TENM4: variants seen among roughly 807,000 people sequenced by gnomAD.
TENM4 encodes teneurin transmembrane protein 4.
A neutral mutation model predicts 243.3 loss-of-function variants in TENM4; 82 were observed. That is an observed-to-expected ratio of 0.34 (90% confidence interval 0.28 to 0.40). The LOEUF (loss-of-function observed/expected upper bound fraction) is 0.40, where lower values mean the gene tolerates loss of function less well. TENM4 is among the 10% of genes least tolerant of loss of function. The pLI is 1.00. For synonymous variants in TENM4, 1,412 were observed against 1,456.3 expected (o/e 0.97, Z 0.69); for missense variants, 3,138 against 3,673.3 (o/e 0.85, Z 3.77).
At chr11:79,251,608 AC>A (rs1855612752) in intron 2 of TENM4, among the ~76,000 whole-genome samples, 1 of 152,244 alleles carries the variant, frequency 6.6e-6, no homozygotes, top group Non-Finnish European at 1.5e-5. Context: ...AAATGAGATT[AC>A]AAAAAAATTA....
intron 32 of TENM4, 125 bp downstream of exon 32, chr11:78,668,812 G>T: frequency 1.6e-6 from 2 of 1,239,822 alleles, no homozygotes; most frequent in Non-Finnish European, 2.2e-6. Context: ...TTTGGAAAAT[G>T]CTGCTCTAAG....
intron 19 of TENM4, 118 bp from the exon 20 acceptor site, chr11:78,738,688 C>T: frequency 1.9e-6 from 2 of 1,049,848 alleles, no homozygotes; most frequent in East Asian, 2.6e-5. Flanking sequence ...CATCTTGTAC[C>T]CAGGGGTTCA....
At chr11:78,729,763 AGGAGGGG>A in intron 21 of TENM4, 120 bp from the exon 22 acceptor site, 3 of 1,321,120 alleles carry the variant, frequency 2.3e-6, no homozygotes, top group Non-Finnish European at 2.0e-6. Flanking sequence ...AGAAGGAGAG[AGGAGGGG>A]AAAAAAAGAG....
At chr11:79,405,233 G>A (rs1858542615) in intron 1 of TENM4, among the ~76,000 whole-genome samples, 1 of 152,016 alleles carries the variant, frequency 6.6e-6, no homozygotes. Flanking sequence ...AGGCTTATGA[G>A]CTAGGCACCC....
At chr11:79,424,262 G>A (rs1045776954) in intron 1 of TENM4, among the ~76,000 whole-genome samples, 1 of 152,098 alleles carries the variant, frequency 6.6e-6, no homozygotes, top group African/African-American at 2.4e-5. Context: ...CCCAACATCC[G>A]TGATTCACAG....
intron 6 of TENM4, among the ~76,000 whole-genome samples, chr11:78,920,807 G>T (rs1445314879): frequency 6.6e-6 from 1 of 152,260 alleles, no homozygotes; most frequent in East Asian, 1.9e-4. Flanking sequence ...TTCCAAATGG[G>T]GAAAAATGTA....
chr11:78,925,777 G>T (rs948101506), intron 6 of TENM4, among the ~76,000 whole-genome samples: 3 of 151,668 alleles, frequency 2.0e-5, no homozygotes, highest in African/African-American at 7.3e-5. Context: ...TTACAGCCTT[G>T]TCAGTCACTG....
chr11:79,159,025 T>A (rs1862685047), intron 3 of TENM4, among the ~76,000 whole-genome samples: 1 of 152,186 alleles, frequency 6.6e-6, no homozygotes, highest in Non-Finnish European at 1.5e-5. Context: ...GAGGTTGAAG[T>A]GAGTGGCATG....
chr11:78,855,832 A>C (rs1858667834), intron 11 of TENM4, 132 bp downstream of exon 11: 2 of 855,282 alleles, frequency 2.3e-6, no homozygotes, highest in East Asian at 5.3e-5. Flanking sequence ...GAGGGACTAC[A>C]TGAATGAATG....
intron 6 of TENM4, among the ~76,000 whole-genome samples, chr11:79,012,658 C>T (rs536562623): frequency 5.3e-5 from 8 of 152,208 alleles, no homozygotes; most frequent in South Asian, 2.1e-4. Flanking sequence ...CTGTGCTGAA[C>T]GAGATATAGG....
At chr11:79,009,355 C>T (rs919470031) in intron 6 of TENM4, among the ~76,000 whole-genome samples, 5 of 152,146 alleles carry the variant, frequency 3.3e-5, no homozygotes, top group Non-Finnish European at 5.9e-5. Flanking sequence ...TTCAGACACT[C>T]AAGCAAGTAT....
rs992869709 is a variant in TENM4 at position 78,844,550 on chromosome 11, G to A, written c.1681+9554C>T. On this transcript the variant is annotated intron_variant, in intron 12 of 33. Coordinates refer to ENST00000278550, the MANE Select transcript of TENM4 (RefSeq NM_001098816.3). The stretch of plus-strand genomic sequence containing the variant: ...CCAGCTACTTGGGAGGCTGAGGCAG[G>A]AGAATCGCTTGAACCAGGCAGGTGG... Among the ~76,000 whole-genome samples the A allele has an allele frequency of 2.6e-5, 4 of 152,096 alleles. No homozygotes were observed. The South Asian group carries it at 8.3e-4, about 32-fold the overall frequency.
At chr11:79,314,077 G>A (rs969757508) in intron 1 of TENM4, among the ~76,000 whole-genome samples, 1 of 152,162 alleles carries the variant, frequency 6.6e-6, no homozygotes, top group Non-Finnish European at 1.5e-5. Flanking sequence ...CTGTTAAGGA[G>A]GACTGGATTT....
intron 18 of TENM4, among the ~76,000 whole-genome samples, chr11:78,761,405 A>T (rs1175016680): frequency 2.0e-5 from 3 of 151,816 alleles, no homozygotes; most frequent in African/African-American, 7.3e-5. Context: ...ACACCCAGCT[A>T]ATTTATTGTA....
At chr11:79,272,857 C>A (rs145730308) in intron 2 of TENM4, among the ~76,000 whole-genome samples, 1 of 152,238 alleles carries the variant, frequency 6.6e-6, no homozygotes, top group African/African-American at 2.4e-5. Context: ...ACTTTAACTC[C>A]ATCTATATCG....
At chr11:79,188,334 C>G (rs1938827) in intron 3 of TENM4, among the ~76,000 whole-genome samples, 57,437 of 151,972 alleles carry the variant, frequency 0.38, 11,583 homozygotes, top group African/African-American at 0.51. Flanking sequence ...CCTGGCAAAA[C>G]ACATTCATGG....
intron 1 of TENM4, among the ~76,000 whole-genome samples, chr11:79,312,725 C>T (rs528833384): frequency 1.6e-4 from 24 of 152,334 alleles, no homozygotes; most frequent in African/African-American, 5.8e-4. Context: ...GTTCCCAACA[C>T]TTCTTGGTTG....
intron 3 of TENM4, among the ~76,000 whole-genome samples, chr11:79,184,834 T>A (rs1863353481): frequency 6.6e-6 from 1 of 152,186 alleles, no homozygotes; most frequent in Non-Finnish European, 1.5e-5. Flanking sequence ...GCCCCTGAAC[T>A]GTACACTTAA....
chr11:78,690,553 C>T (rs1858794702), intron 28 of TENM4, among the ~76,000 whole-genome samples: 1 of 152,096 alleles, frequency 6.6e-6, no homozygotes, highest in African/African-American at 2.4e-5. Flanking sequence ...TGAGCATGGC[C>T]ATCTGGGGAG....
Sources: allele counts gnomAD v4.1 joint callset (sites outside exome capture counted in the v4.1 genomes callset), GRCh38; gene constraint gnomAD v4.1.1; transcripts MANE v1.5; gene names NCBI Gene and HGNC (gene_info 2026-07-23, HGNC 2026-07-21).